The following DNAJC3 variants were observed in gnomAD, a reference collection of about 807,000 sequenced individuals.
DNAJC3 encodes the protein DnaJ heat shock protein family (Hsp40) member C3.
In DNAJC3, 38 loss-of-function variants were observed where a neutral mutation model predicts 68.6. The ratio of observed to expected loss-of-function variants is 0.55; its 90% CI spans 0.43 to 0.73. The LOEUF is 0.73. DNAJC3 is among the 30% of genes least tolerant of loss of function. The pLI, the probability that DNAJC3 is intolerant of heterozygous loss-of-function variation, is 0.00. For synonymous variants in DNAJC3, 203 were observed against 204.0 expected (o/e 1.00, Z 0.04); for missense variants, 526 against 591.9 (o/e 0.89, Z 1.16).
intron 4 of DNAJC3, among the ~76,000 whole-genome samples, chr13:95,751,110 C>CCAGTA (rs1488678314): frequency 6.6e-6 from 1 of 152,138 alleles, no homozygotes; most frequent in Non-Finnish European, 1.5e-5. Context: ...TGACACATAC[C>CCAGTA]TGTAGTCCTA....
intron 4 of DNAJC3, among the ~76,000 whole-genome samples, chr13:95,729,064 C>G (rs1217887595): frequency 6.6e-6 from 1 of 152,068 alleles, no homozygotes; most frequent in East Asian, 1.9e-4. Flanking sequence ...CAATGTTTGA[C>G]TTTCTGTGCC....
intron 11 of DNAJC3, among the ~76,000 whole-genome samples, chr13:95,789,416 G>C (rs1292152984): frequency 6.6e-6 from 1 of 152,098 alleles, no homozygotes; most frequent in Non-Finnish European, 1.5e-5. Flanking sequence ...TTGGTTTTCT[G>C]TTCCTGCATT....
rs768874732 is a variant in DNAJC3 at position 95,677,276 on chromosome 13, G to A, written c.21G>A (p.Val7=). 1 of 1,602,788 alleles carries A rather than the reference G, an allele frequency of 6.2e-7. No individual in the cohort carries two copies. Among genetic ancestry groups the A allele is most frequent in the South Asian group, 1.1e-5 (1 of 89,550 alleles). The change falls in exon 1 of 12, where the codon GTG becomes GTA. Residue 7 remains valine, a synonymous_variant. Coordinates refer to ENST00000602402, the MANE Select transcript of DNAJC3 (RefSeq NM_006260.5). MVAPGS[V]TSRLGSVFPF... ...CGGACATGGTGGCCCCCGGCTCCGT[G>A]ACCAGCCGGCTGGGCTCGGTATTCC... is the stretch of plus-strand genomic sequence containing the variant.
intron 9 of DNAJC3, among the ~76,000 whole-genome samples, chr13:95,772,314 CTT>C (rs1883180538): frequency 6.6e-6 from 1 of 152,248 alleles, no homozygotes; most frequent in Admixed American, 6.5e-5. Context: ...CTTCAGCTGA[CTT>C]TTTTAGTTAT....
intron 1 of DNAJC3, chr13:95,695,096 C>T (rs925668044): frequency 2.0e-5 from 3 of 152,184 alleles, no homozygotes; most frequent in Non-Finnish European, 4.4e-5. Flanking sequence ...GCCACTATTG[C>T]ATGACTTTTC....
In DNAJC3 at chr13:95,719,127, G is replaced by C. The variant is rs73550576; in HGVS notation, c.194-4115G>C. On this transcript the variant is annotated intron_variant, in intron 2 of 11. Transcript: ENST00000602402. ...CTCAGGGAAACACTTACGTTTACTGGTTTATTATGTGATATTACAAAGGAT... is the reference window on the plus strand; with the variant it reads ...CTCAGGGAAACACTTACGTTTACTGCTTTATTATGTGATATTACAAAGGAT... Among the ~76,000 whole-genome samples the C allele has an allele frequency of 9.3e-3, 1,424 of 152,326 alleles. 24 individuals are homozygous for C. Among genetic ancestry groups the C allele is most frequent in the African/African-American group, 0.033 (1,352 of 41,568 alleles).
At chr13:95,680,240 A>C (rs1441484515) in intron 1 of DNAJC3, among the ~76,000 whole-genome samples, 2 of 152,142 alleles carry the variant, frequency 1.3e-5, no homozygotes, top group Non-Finnish European at 2.9e-5. Context: ...TCATAGTTTT[A>C]TCTCTTTTTC....
chr13:95,718,397 G>A (rs1881217721), intron 2 of DNAJC3, among the ~76,000 whole-genome samples: 1 of 152,174 alleles, frequency 6.6e-6, no homozygotes, highest in Admixed American at 6.5e-5. Context: ...CTGTGCAGGT[G>A]ACCCCATGCC....
intron 1 of DNAJC3, chr13:95,693,346 C>T (rs1237922716): frequency 2.0e-5 from 3 of 152,190 alleles, no homozygotes; most frequent in Non-Finnish European, 4.4e-5. Context: ...TATACCAATA[C>T]CTGAGCCCTT....
chr13:95,773,085 C>G (rs1594021331), intron 9 of DNAJC3, among the ~76,000 whole-genome samples: 1 of 131,648 alleles, frequency 7.6e-6, no homozygotes, highest in African/African-American at 2.9e-5. Flanking sequence ...GTAAAACCAT[C>G]TTGGTCTTGG....
chr13:95,734,816 C>CTT (rs34191057), intron 4 of DNAJC3, among the ~76,000 whole-genome samples: 70 of 137,768 alleles, frequency 5.1e-4, no homozygotes, highest in Middle Eastern at 3.9e-3. Flanking sequence ...TGTTGAAGCT[C>CTT]TTTTTTTTTT....
At chr13:95,698,709 T>C (rs1256371057) in intron 1 of DNAJC3, among the ~76,000 whole-genome samples, 1 of 152,196 alleles carries the variant, frequency 6.6e-6, no homozygotes, top group Non-Finnish European at 1.5e-5. Context: ...TCTTGATGGA[T>C]GAGTAGGAAT....
rs1882777090 is a variant in DNAJC3, at chr13:95,760,131, C to T, written c.638C>T (p.Ala213Val). ...EPRKAISDLKAASKLKNDNTE... is the reference protein window; with the variant it reads ...EPRKAISDLKVASKLKNDNTE... ...AGGAAAGCTATAAGTGACTTAAAAG[C>T]TGCGTCAAAGTTGAAGAATGATAAT... The change falls in exon 6 of 12, where the codon GCT (alanine) becomes GTT (valine). Residue 213 changes from alanine (A) to valine (V), a missense_variant. Coordinates refer to ENST00000602402, the MANE Select transcript of DNAJC3 (RefSeq NM_006260.5). 4 of 1,612,990 alleles carry T rather than the reference C, an allele frequency of 2.5e-6. No homozygotes were observed. Among genetic ancestry groups the T allele is most frequent in the Non-Finnish European group, 3.4e-6 (4 of 1,179,408 alleles).
At chr13:95,742,318 C>G (rs1882170993) in intron 4 of DNAJC3, among the ~76,000 whole-genome samples, 1 of 152,178 alleles carries the variant, frequency 6.6e-6, no homozygotes, top group Non-Finnish European at 1.5e-5. Flanking sequence ...GGGTGGGCCC[C>G]AGGGCAGGAT....
intron 4 of DNAJC3, chr13:95,742,599 A>G (rs1461370250): frequency 2.1e-6 from 1 of 485,900 alleles, no homozygotes; most frequent in Non-Finnish European, 4.1e-6. Context: ...CCAGCCAAGC[A>G]GGCTGCCTCA....
intron 1 of DNAJC3, among the ~76,000 whole-genome samples, chr13:95,680,332 AATAGTTGAAAATAT>A (rs1879879191): frequency 6.6e-6 from 1 of 152,202 alleles, no homozygotes; most frequent in Admixed American, 6.5e-5. Flanking sequence ...TGGGGAAAAG[AATAGTTGAAAATAT>A]ATAGTTGAAA....
rs985738514 is a variant in DNAJC3 at position 95,682,954 on chromosome 13, G to T, written c.82+5617G>T. The stretch of plus-strand genomic sequence containing the variant: ...CTATGTGCGGGATACTGAATTAGGT[G>T]ATACAAAGAAGAAAAGACAGCTCCT... On this transcript the variant is annotated intron_variant, in intron 1 of 11. Transcript: ENST00000602402. Among the ~76,000 whole-genome samples, 16 of 152,318 alleles carry T rather than the reference G, an allele frequency of 1.1e-4. No homozygotes were observed. The East Asian group carries it at 3.1e-3, about 29-fold the overall frequency.
At chr13:95,743,051 A>T (rs778882166) in intron 4 of DNAJC3, 42 of 361,746 alleles carry the variant, frequency 1.2e-4, no homozygotes, top group Admixed American at 6.7e-4. Context: ...TCTTTCATTG[A>T]ATTGCTTTTG....
intron 1 of DNAJC3, among the ~76,000 whole-genome samples, chr13:95,707,345 C>A (rs1344569540): frequency 6.6e-6 from 1 of 152,102 alleles, no homozygotes; most frequent in African/African-American, 2.4e-5. Flanking sequence ...TCAAAAGAAC[C>A]CACCCCACAT....
Sources: allele counts gnomAD v4.1 joint callset (sites outside exome capture counted in the v4.1 genomes callset), GRCh38; gene constraint gnomAD v4.1.1; transcripts MANE v1.5; gene names NCBI Gene and HGNC (gene_info 2026-07-23, HGNC 2026-07-21).